FSTL5: variants seen among roughly 807,000 people sequenced by gnomAD.
FSTL5 encodes follistatin-related protein 5.
Under a neutral mutation model 89.1 loss-of-function variants are expected in FSTL5, and 62 were observed. The ratio of observed to expected loss-of-function variants is 0.70; its 90% CI spans 0.57 to 0.86. The LOEUF (loss-of-function observed/expected upper bound fraction) is 0.86. Among genes scored for constraint, FSTL5 ranks in the 40% least tolerant of loss-of-function variants. The probability of loss-of-function intolerance (pLI) is 0.00; values close to 1 mark genes in which losing one functional copy is unlikely to be tolerated. For missense variants in FSTL5, 1,057 were observed against 1,001.6 expected (o/e 1.06, Z -0.75); for synonymous variants, 383 against 346.2 (o/e 1.11, Z -1.18).
intron 2 of FSTL5, among the ~76,000 whole-genome samples, chr4:162,092,272 C>T (rs1293523335): frequency 6.6e-6 from 1 of 152,072 alleles, no homozygotes; most frequent in Non-Finnish European, 1.5e-5. Context: ...AGATTGATAA[C>T]CACTGTGTTA....
chr4:161,931,439 A>C (rs1444112591), intron 3 of FSTL5, among the ~76,000 whole-genome samples: 2 of 151,920 alleles, frequency 1.3e-5, no homozygotes, highest in Non-Finnish European at 2.9e-5. Context: ...ACAAAAGGAA[A>C]GGAGTTAAGA....
At chr4:161,487,678 GCTCT>G (rs565894139) in intron 12 of FSTL5, among the ~76,000 whole-genome samples, 1 of 151,514 alleles carries the variant, frequency 6.6e-6, no homozygotes, top group Non-Finnish European at 1.5e-5. Context: ...TTATTCTAGC[GCTCT>G]CTCTCTCTTT....
chr4:161,977,482 G>A (rs1420852691), intron 3 of FSTL5, among the ~76,000 whole-genome samples: 12 of 150,750 alleles, frequency 8.0e-5, no homozygotes, highest in Non-Finnish European at 1.3e-4. Context: ...GCCTGGTGGC[G>A]GGCACCTGTA....
intron 6 of FSTL5, among the ~76,000 whole-genome samples, chr4:161,725,204 ACT>A (rs1412097894): frequency 1.3e-5 from 2 of 152,042 alleles, no homozygotes; most frequent in African/African-American, 4.8e-5. Flanking sequence ...AAAAAAAATA[ACT>A]CTGAAAATTT....
At chr4:161,441,903 A>G (rs1209643905) in intron 15 of FSTL5, among the ~76,000 whole-genome samples, 3 of 152,144 alleles carry the variant, frequency 2.0e-5, no homozygotes, top group Admixed American at 2.0e-4. Flanking sequence ...TTTTGCAAAC[A>G]TAAGCACAAC....
intron 15 of FSTL5, among the ~76,000 whole-genome samples, chr4:161,405,355 T>A (rs1014732110): frequency 6.6e-6 from 1 of 151,750 alleles, no homozygotes; most frequent in South Asian, 2.1e-4. Context: ...AAATAAAAAT[T>A]AACAAAGAAT....
chr4:161,475,786 G>A (rs916024205), intron 13 of FSTL5, among the ~76,000 whole-genome samples: 2 of 131,850 alleles, frequency 1.5e-5, no homozygotes, highest in Admixed American at 7.6e-5. Context: ...GTCTCACTCT[G>A]TTGCCCAGGC....
intron 6 of FSTL5, among the ~76,000 whole-genome samples, chr4:161,735,108 G>T (rs1348116675): frequency 6.6e-6 from 1 of 152,132 alleles, no homozygotes; most frequent in East Asian, 1.9e-4. Flanking sequence ...ATAAATCAGG[G>T]TTCCCATAAC....
chr4:161,964,643 G>A (rs909569551), intron 3 of FSTL5, among the ~76,000 whole-genome samples: 6 of 151,722 alleles, frequency 4.0e-5, no homozygotes, highest in Non-Finnish European at 2.9e-5. Flanking sequence ...ATTTTTGGTC[G>A]GTTTATGGTG....
chr4:161,823,799 T>C (rs1352667781), intron 4 of FSTL5, among the ~76,000 whole-genome samples: 1 of 152,232 alleles, frequency 6.6e-6, no homozygotes, highest in Non-Finnish European at 1.5e-5. Context: ...AATATGTTTG[T>C]TGGCCATTTG....
intron 6 of FSTL5, among the ~76,000 whole-genome samples, chr4:161,747,420 C>G (rs565982502): frequency 6.6e-6 from 1 of 152,086 alleles, no homozygotes; most frequent in East Asian, 1.9e-4. Flanking sequence ...ATGCCATATA[C>G]TAAAATGCCT....
intron 8 of FSTL5, among the ~76,000 whole-genome samples, chr4:161,584,278 C>A (rs529013783): frequency 6.6e-6 from 1 of 152,150 alleles, no homozygotes; most frequent in Non-Finnish European, 1.5e-5. Flanking sequence ...GCAAAAAGGA[C>A]GTCCTCATGC....
chr4:161,465,099 C>G (rs1458292512), intron 13 of FSTL5, among the ~76,000 whole-genome samples: 1 of 152,130 alleles, frequency 6.6e-6, no homozygotes, highest in Non-Finnish European at 1.5e-5. Flanking sequence ...CTAGAGTTCA[C>G]TATATGTTAC....
At chr4:161,704,117 C>G (rs1485025533) in intron 6 of FSTL5, among the ~76,000 whole-genome samples, 1 of 152,108 alleles carries the variant, frequency 6.6e-6, no homozygotes, top group Non-Finnish European at 1.5e-5. Context: ...AGTCACCCCT[C>G]TGCTCACTGA....
intron 2 of FSTL5, among the ~76,000 whole-genome samples, chr4:162,108,424 T>C (rs1161008027): frequency 4.6e-5 from 7 of 152,076 alleles, no homozygotes; most frequent in Non-Finnish European, 1.0e-4. Context: ...TCTATATATC[T>C]CTTTGTTCAG....
intron 4 of FSTL5, among the ~76,000 whole-genome samples, chr4:161,812,290 T>G (rs1160328462): frequency 6.6e-6 from 1 of 152,216 alleles, no homozygotes; most frequent in African/African-American, 2.4e-5. Flanking sequence ...CTGTGAATTT[T>G]CAAGAGAGAA....
intron 4 of FSTL5, among the ~76,000 whole-genome samples, chr4:161,917,067 C>T (rs1299662583): frequency 6.6e-6 from 1 of 152,160 alleles, no homozygotes; most frequent in Non-Finnish European, 1.5e-5. Context: ...AGTTATCTGC[C>T]TCAGCCTCCT....
chr4:161,581,949 A>G (rs1293517641), intron 8 of FSTL5, among the ~76,000 whole-genome samples: 1 of 152,242 alleles, frequency 6.6e-6, no homozygotes, highest in African/African-American at 2.4e-5. Context: ...TGCTTTATGT[A>G]AAAAGAGAAA....
chr4:162,124,982 C>T (rs1368860161), intron 1 of FSTL5, among the ~76,000 whole-genome samples: 1 of 152,208 alleles, frequency 6.6e-6, no homozygotes, highest in Non-Finnish European at 1.5e-5. Flanking sequence ...GGATTACAGG[C>T]ATGAGCTACC....
Sources: allele counts gnomAD v4.1 joint callset (sites outside exome capture counted in the v4.1 genomes callset), GRCh38; gene constraint gnomAD v4.1.1; transcripts MANE v1.5; gene names NCBI Gene and HGNC (gene_info 2026-07-23, HGNC 2026-07-21).